Variants in GRIK3 observed in about 807,000 individuals in gnomAD.
The protein encoded by GRIK3 is glutamate ionotropic receptor kainate type subunit 3.
In GRIK3, 29 loss-of-function variants were observed where a neutral mutation model predicts 102.5. The ratio of observed to expected loss-of-function variants is 0.28; its 90% CI spans 0.21 to 0.39. The LOEUF is 0.39. GRIK3 is among the 10% of genes least tolerant of loss of function. The pLI is 1.00. For missense variants in GRIK3, 908 were observed against 1,252.4 expected (o/e 0.73, Z 4.15); for synonymous variants, 511 against 504.9 (o/e 1.01, Z -0.16).
intron 1 of GRIK3, among the ~76,000 whole-genome samples, chr1:37,002,061 A>C (rs1449672979): frequency 6.6e-6 from 1 of 152,180 alleles, no homozygotes; most frequent in Non-Finnish European, 1.5e-5. Flanking sequence ...CAAGCATCCA[A>C]AGGGGAGTGT....
At chr1:36,920,513 TG>T (rs1557426947) in intron 1 of GRIK3, among the ~76,000 whole-genome samples, 1 of 152,130 alleles carries the variant, frequency 6.6e-6, no homozygotes, top group Non-Finnish European at 1.5e-5. Flanking sequence ...GGTTGGATTT[TG>T]CACCTCCCAC....
rs377312505 is a variant in GRIK3, at chr1:36,957,052, C to T, written c.116-65956G>A. ...GAGCAGGCCACAGAGCAGGAGGCTT[C>T]GGCAGATGCCACACAGCTATGGAAA... On this transcript the variant is annotated intron_variant, in intron 1 of 15. Transcript: ENST00000373091. 1.4e-3 allele frequency among the ~76,000 whole-genome samples: 210 copies of T among 152,356 alleles called. 1 individual carries two copies. Among genetic ancestry groups the T allele is most frequent in the African/African-American group, 4.9e-3 (202 of 41,590 alleles).
At chr1:36,889,565 C>G (rs1017921577) in intron 2 of GRIK3, among the ~76,000 whole-genome samples, 1 of 152,010 alleles carries the variant, frequency 6.6e-6, no homozygotes, top group Admixed American at 6.6e-5. Flanking sequence ...GGGGTTGTGG[C>G]TTTGGTCACT....
At chr1:36,943,716 C>T (rs1158380002) in intron 1 of GRIK3, among the ~76,000 whole-genome samples, 1 of 152,198 alleles carries the variant, frequency 6.6e-6, no homozygotes, top group Non-Finnish European at 1.5e-5. Flanking sequence ...CCAGCTATCA[C>T]TCATTCATTA....
chr1:36,804,446 C>T (rs1050373882), intron 15 of GRIK3, among the ~76,000 whole-genome samples: 2 of 152,222 alleles, frequency 1.3e-5, no homozygotes, highest in Non-Finnish European at 1.5e-5. Flanking sequence ...AGAACTACTG[C>T]CCAACCATGC....
chr1:36,927,528 T>G (rs1167760474), intron 1 of GRIK3, among the ~76,000 whole-genome samples: 4 of 152,158 alleles, frequency 2.6e-5, no homozygotes, highest in Non-Finnish European at 5.9e-5. Context: ...AAAGTGAATT[T>G]CGTTCAGGTG....
chr1:36,949,104 A>G lies in GRIK3; in HGVS notation c.116-58008T>C, dbSNP rs1444563549. On this transcript the variant is annotated intron_variant, in intron 1 of 15. Coordinates refer to ENST00000373091, the MANE Select transcript of GRIK3 (RefSeq NM_000831.4). ...CAGGGAAAGGCCATCCAGGAGCACA[A>G]CCCAGCCCTGCACTGTGGAACAGGC... is the stretch of plus-strand genomic sequence containing the variant. Among the ~76,000 whole-genome samples, 17 of 152,218 alleles carry G rather than the reference A, an allele frequency of 1.1e-4. No individual in the cohort carries two copies. The East Asian group carries it at 2.9e-3, about 26-fold the overall frequency.
At chr1:36,828,318 T>C (rs1642778388) in intron 10 of GRIK3, among the ~76,000 whole-genome samples, 1 of 152,170 alleles carries the variant, frequency 6.6e-6, no homozygotes, top group Admixed American at 6.5e-5. Context: ...CGTCCCCAAG[T>C]CCTGTCCCTT....
chr1:36,915,610 T>C (rs561415484), intron 1 of GRIK3, among the ~76,000 whole-genome samples: 18 of 152,208 alleles, frequency 1.2e-4, no homozygotes, highest in Admixed American at 6.5e-4. Flanking sequence ...TGGGAGGTAA[T>C]TGAATCATGG....
intron 1 of GRIK3, among the ~76,000 whole-genome samples, chr1:36,972,067 G>A (rs952748359): frequency 6.6e-6 from 1 of 152,248 alleles, no homozygotes; most frequent in African/African-American, 2.4e-5. Context: ...GGGGGCTTGA[G>A]GAGGCACTGG....
Position 36,819,931 on chromosome 1 carries a change from C to T in GRIK3, c.1755-77G>A. 1.3e-6 allele frequency: 1 copy of T among 757,290 alleles called. No individual in the cohort carries two copies. Among genetic ancestry groups the T allele is most frequent in the Middle Eastern group, 2.8e-4 (1 of 3,620 alleles). 46.9% of individuals were successfully genotyped at this position (757,290 alleles called of 1,614,324 possible). ...CCCCAGCAGGCAGTGGTTTAGCAAA[C>T]ACAGCTGTGCCAGCCGCCTCAGCGT... On this transcript the variant is annotated intron_variant, in intron 11 of 15. Transcript: ENST00000373091. The surrounding 1 kb of genome is among the most constrained non-coding windows in gnomAD (Gnocchi z 4.1).
chr1:36,896,306 A>G (rs1159907400), intron 1 of GRIK3, among the ~76,000 whole-genome samples: 1 of 152,206 alleles, frequency 6.6e-6, no homozygotes, highest in Non-Finnish European at 1.5e-5. Flanking sequence ...GTATTCATAA[A>G]TATCCACTTA....
intron 1 of GRIK3, among the ~76,000 whole-genome samples, chr1:36,987,790 G>A (rs1026466352): frequency 6.6e-6 from 1 of 152,098 alleles, no homozygotes; most frequent in Non-Finnish European, 1.5e-5. Context: ...TAGATGGGCT[G>A]TCCTCTGAGA....
intron 1 of GRIK3, among the ~76,000 whole-genome samples, chr1:36,920,888 C>T (rs946160476): frequency 2.6e-4 from 39 of 152,248 alleles, no homozygotes; most frequent in Admixed American, 2.6e-3. Flanking sequence ...CAGCAGCTCT[C>T]ACTCTCAGTT....
At chr1:36,916,144 T>C (rs1055436783) in intron 1 of GRIK3, among the ~76,000 whole-genome samples, 2 of 152,160 alleles carry the variant, frequency 1.3e-5, no homozygotes, top group Non-Finnish European at 2.9e-5. Flanking sequence ...ACTTGCTATG[T>C]TTTAGCAAAG....
In GRIK3 at chr1:36,907,312, A is replaced by G. The variant is rs777064932; in HGVS notation, c.116-16216T>C. Among the ~76,000 whole-genome samples the G allele has an allele frequency of 3.3e-5, 5 of 152,358 alleles. No homozygotes were observed. In the South Asian group the frequency reaches 1.0e-3, roughly 32 times the overall value. On this transcript the variant is annotated intron_variant, in intron 1 of 15. Coordinates refer to ENST00000373091, the MANE Select transcript of GRIK3 (RefSeq NM_000831.4). Reference sequence around the variant, plus strand: ...GAGGAAGGCCTAAGAGAAAGGGAACAGAGATGAAGTGGACCCCAAAGGACA... The same window carrying G: ...GAGGAAGGCCTAAGAGAAAGGGAACGGAGATGAAGTGGACCCCAAAGGACA...
chr1:36,872,477 A>G lies in GRIK3; in HGVS notation c.551-108T>C. 1 of 862,464 alleles carries G rather than the reference A, an allele frequency of 1.2e-6. No homozygotes were observed. Among genetic ancestry groups the G allele is most frequent in the Non-Finnish European group, 1.8e-6 (1 of 569,050 alleles). 53.4% of individuals were successfully genotyped at this position (862,464 alleles called of 1,614,324 possible). On this transcript the variant is annotated intron_variant, in intron 3 of 15. Coordinates refer to ENST00000373091, the MANE Select transcript of GRIK3 (RefSeq NM_000831.4). The surrounding 1 kb of genome is among the most constrained non-coding windows in gnomAD (Gnocchi z 5.9). ...CACATGCCCATGGCCACAGGTCTGC[A>G]GACATACACGGGCAGAAACGTGGCC...
chr1:36,992,568 G>GGGAT (rs1457860399), intron 1 of GRIK3, among the ~76,000 whole-genome samples: 5 of 152,226 alleles, frequency 3.3e-5, no homozygotes, highest in Non-Finnish European at 7.3e-5. Flanking sequence ...AAGGCAAAGA[G>GGGAT]GGATGCATGG....
chr1:36,985,682 C>G (rs150774801), intron 1 of GRIK3, among the ~76,000 whole-genome samples: 255 of 152,312 alleles, frequency 1.7e-3, no homozygotes, highest in African/African-American at 5.8e-3. Context: ...GGACCTTCCT[C>G]CTATACAACA....
Sources: gnomAD v4.1 joint callset for allele counts (sites outside exome capture counted in the v4.1 genomes callset) on GRCh38, gnomAD v4.1.1 for gene constraint, Gnocchi (gnomAD v3.1) non-coding constraint, MANE v1.5 for transcripts, NCBI Gene and HGNC (gene_info 2026-07-23, HGNC 2026-07-21) for gene names.